GRM5: variants seen among roughly 807,000 people sequenced by gnomAD.
The protein encoded by GRM5 is metabotropic glutamate receptor 5.
A neutral mutation model predicts 83.1 loss-of-function variants in GRM5; 19 were observed. That is an observed-to-expected ratio of 0.23 (90% confidence interval 0.16 to 0.34). The LOEUF is 0.34. Among genes scored for constraint, GRM5 ranks in the 10% least tolerant of loss-of-function variants. GRM5 has a pLI of 1.00. For synonymous variants in GRM5, 675 were observed against 633.6 expected (o/e 1.07, Z -0.98); for missense variants, 1,160 against 1,588.3 (o/e 0.73, Z 4.58).
chr11:88,524,214 C>CTTT (rs71470770), intron 9 of GRM5, among the ~76,000 whole-genome samples: 41 of 101,378 alleles, frequency 4.0e-4, no homozygotes, highest in African/African-American at 1.1e-3. Flanking sequence ...TTCTTTCTTT[C>CTTT]TTTTTTTTTT....
chr11:88,540,378 T>G (rs1340812289), intron 8 of GRM5, among the ~76,000 whole-genome samples: 4 of 152,192 alleles, frequency 2.6e-5, no homozygotes, highest in Non-Finnish European at 5.9e-5. Flanking sequence ...TTTCAGGATG[T>G]AAAATAACTG....
intron 3 of GRM5, among the ~76,000 whole-genome samples, chr11:88,711,736 C>A (rs1303536510): frequency 3.3e-5 from 5 of 152,026 alleles, no homozygotes; most frequent in Non-Finnish European, 4.4e-5. Flanking sequence ...ATAGTAGGCA[C>A]TACAAAAATG....
chr11:88,839,534 G>A (rs1429027797), intron 3 of GRM5, among the ~76,000 whole-genome samples: 1 of 152,080 alleles, frequency 6.6e-6, no homozygotes, highest in Non-Finnish European at 1.5e-5. Flanking sequence ...ATTTAATAAT[G>A]CCATGAGTTG....
intron 8 of GRM5, among the ~76,000 whole-genome samples, chr11:88,533,709 T>C (rs1166329560): frequency 6.6e-6 from 1 of 152,068 alleles, no homozygotes; most frequent in African/African-American, 2.4e-5. Context: ...ATTATAAATT[T>C]CCAGGAAATT....
chr11:88,936,954 G>A (rs1182486381), intron 2 of GRM5, among the ~76,000 whole-genome samples: 1 of 150,222 alleles, frequency 6.7e-6, no homozygotes, highest in East Asian at 2.0e-4. Context: ...TTGAAGTATA[G>A]GAAGTGGAGG....
chr11:88,697,573 T>A (rs1940932211), intron 3 of GRM5, among the ~76,000 whole-genome samples: 1 of 152,216 alleles, frequency 6.6e-6, no homozygotes, highest in African/African-American at 2.4e-5. Flanking sequence ...AAAGATTTAG[T>A]GGTTTCCTAG....
chr11:88,826,600 T>C (rs961680589), intron 3 of GRM5, among the ~76,000 whole-genome samples: 1 of 152,182 alleles, frequency 6.6e-6, no homozygotes, highest in African/African-American at 2.4e-5. Context: ...TCTGGACATA[T>C]TGTCACTGGT....
Position 88,597,367 on chromosome 11 carries a change from TATG to T in GRM5, c.1395-18_1395-16del, listed in dbSNP as rs752288688. 2.9e-4 allele frequency: 384 copies of T among 1,303,198 alleles called. 2 individuals are homozygous for T. The highest frequency in any genetic ancestry group is 3.4e-4 in the Admixed American group (17 of 50,228). The allele number at this position is 1,303,198 out of a possible 1,614,324, so 80.7% of individuals were successfully genotyped here. On this transcript the variant is annotated splice_polypyrimidine_tract_variant and intron_variant, in intron 5 of 9. Transcript: ENST00000305447. ...TTATTTCATACCTTAGGAATAAGAA[TATG>T]ATAATTATGCAGCTTAAGATGTAAA...
At chr11:88,583,726 T>C (rs1466696739) in intron 7 of GRM5, among the ~76,000 whole-genome samples, 1 of 152,202 alleles carries the variant, frequency 6.6e-6, no homozygotes, top group African/African-American at 2.4e-5. Flanking sequence ...AAAAATTCTT[T>C]CTAGGACAGT....
At chr11:88,859,533 C>T (rs1228101917) in intron 2 of GRM5, among the ~76,000 whole-genome samples, 18 of 152,106 alleles carry the variant, frequency 1.2e-4, no homozygotes, top group Non-Finnish European at 2.6e-4. Context: ...AATGAAGTTG[C>T]TATTATTTCC....
At chr11:88,555,373 T>A (rs1219206547) in intron 8 of GRM5, among the ~76,000 whole-genome samples, 1 of 152,090 alleles carries the variant, frequency 6.6e-6, no homozygotes, top group Non-Finnish European at 1.5e-5. Context: ...GCAAAACACA[T>A]GGAAAAGAGT....
intron 2 of GRM5, among the ~76,000 whole-genome samples, chr11:89,041,543 G>A (rs1242792240): frequency 6.6e-6 from 1 of 152,148 alleles, no homozygotes; most frequent in Non-Finnish European, 1.5e-5. Flanking sequence ...GGATATGTCA[G>A]CAAGCTCTAT....
intron 7 of GRM5, among the ~76,000 whole-genome samples, chr11:88,588,753 A>G (rs1937594462): frequency 6.6e-6 from 1 of 152,080 alleles, no homozygotes; most frequent in African/African-American, 2.4e-5. Flanking sequence ...CTTCATATAT[A>G]ATTTGTCAGT....
intron 3 of GRM5, among the ~76,000 whole-genome samples, chr11:88,781,005 T>C (rs1942963636): frequency 6.6e-6 from 1 of 151,646 alleles, no homozygotes. Context: ...TTATTGAAAA[T>C]AACCTCAGGC....
At chr11:88,612,362 T>TATC (rs1938346199) in intron 4 of GRM5, among the ~76,000 whole-genome samples, 1 of 150,802 alleles carries the variant, frequency 6.6e-6, no homozygotes, top group South Asian at 2.1e-4. Flanking sequence ...TAATCCAGTC[T>TATC]ATCATTGTTG....
At chr11:88,983,260 C>T (rs373370833) in intron 2 of GRM5, among the ~76,000 whole-genome samples, 1 of 152,174 alleles carries the variant, frequency 6.6e-6, no homozygotes, top group African/African-American at 2.4e-5. Context: ...AATTCTCTTA[C>T]TACTTTACAT....
chr11:88,646,790 G>C (rs148587131), intron 4 of GRM5, among the ~76,000 whole-genome samples: 1 of 151,530 alleles, frequency 6.6e-6, no homozygotes, highest in African/African-American at 2.4e-5. Context: ...GGTGTCATCA[G>C]CTTCTTTTGT....
chr11:89,021,919 G>T (rs1020800457), intron 2 of GRM5, among the ~76,000 whole-genome samples: 1 of 152,146 alleles, frequency 6.6e-6, no homozygotes, highest in South Asian at 2.1e-4. Flanking sequence ...ATTAGACAAA[G>T]TCTGTCTCAT....
chr11:88,882,020 T>A (rs1384965947), intron 2 of GRM5, among the ~76,000 whole-genome samples: 4 of 152,000 alleles, frequency 2.6e-5, no homozygotes, highest in Non-Finnish European at 5.9e-5. Flanking sequence ...GGTGGGCAGA[T>A]CACTTGAGCT....
Sources: allele counts gnomAD v4.1 joint callset (sites outside exome capture counted in the v4.1 genomes callset), GRCh38; gene constraint gnomAD v4.1.1; transcripts MANE v1.5; gene names NCBI Gene and HGNC (gene_info 2026-07-23, HGNC 2026-07-21).